PRSS3: variants seen among roughly 807,000 people sequenced by gnomAD.
PRSS3 encodes the protein trypsin-3.
In PRSS3, 14 loss-of-function variants were observed where a neutral mutation model predicts 20.8. The ratio of observed to expected loss-of-function variants is 0.67; its 90% CI spans 0.44 to 1.05. The LOEUF is 1.05. PRSS3 is among the 50% of genes least tolerant of loss of function. PRSS3 has a pLI of 0.00. For missense variants in PRSS3, 237 were observed against 306.4 expected, an observed-to-expected ratio of 0.77 and a Z score of 1.69; for synonymous variants, 91 against 117.6, an observed-to-expected ratio of 0.77 and a Z score of 1.46.
At chr9:33,769,899 C>G (rs947701646) in intron 1 of PRSS3, among the ~76,000 whole-genome samples, 1 of 152,242 alleles carries the variant, frequency 6.6e-6, no homozygotes, top group Non-Finnish European at 1.5e-5. Flanking sequence ...GGCGCGGTGG[C>G]TCACGCCTGT....
intron 1 of PRSS3, among the ~76,000 whole-genome samples, chr9:33,788,344 G>A (rs1587393165): frequency 6.6e-6 from 1 of 152,286 alleles, no homozygotes; most frequent in South Asian, 2.1e-4. Flanking sequence ...TCCTGGCTCT[G>A]TAATGGATGC....
chr9:33,769,755 G>A (rs1823600131), intron 1 of PRSS3, among the ~76,000 whole-genome samples: 1 of 152,202 alleles, frequency 6.6e-6, no homozygotes, highest in Non-Finnish European at 1.5e-5. Context: ...CCCCAGCCCA[G>A]GACCAAGGGG....
At position 33,758,637 on chromosome 9, in the gene PRSS3, A is replaced by G. The variant is rs577831672; in HGVS notation, c.-53+7910A>G. ...AAATTGATACTCCAGGATTATGTTC[A>G]TCTTGTGATTTCAGATATCATCTGG... is the stretch of plus-strand genomic sequence containing the variant. On this transcript the variant is annotated intron_variant, in intron 1 of 5. Transcript: ENST00000342836. Among the ~76,000 whole-genome samples, 18 of 152,328 alleles carry G rather than the reference A, an allele frequency of 1.2e-4. 1 individual carries two copies. The East Asian group carries it at 3.5e-3, about 29-fold the overall frequency.
chr9:33,755,309 C>T (rs1407488390), intron 1 of PRSS3, among the ~76,000 whole-genome samples: 2 of 152,074 alleles, frequency 1.3e-5, no homozygotes, highest in East Asian at 1.9e-4. Flanking sequence ...CCTTAGAAGT[C>T]GTTCATTGTA....
At chr9:33,755,952 A>G (rs1822924327) in intron 1 of PRSS3, among the ~76,000 whole-genome samples, 1 of 152,212 alleles carries the variant, frequency 6.6e-6, no homozygotes, top group Admixed American at 6.5e-5. Context: ...ACATACATAC[A>G]TACGCACTTT....
In PRSS3 at chr9:33,798,593, T is replaced by C; in HGVS notation, c.562T>C (p.Phe188Leu). Reference sequence around the variant, plus strand: ...TACCAACAGCATGTTCTGTGTGGGCTTCCTTGAGGGAGGCAAGGATTCCTG... The same window carrying C: ...TACCAACAGCATGTTCTGTGTGGGCCTCCTTGAGGGAGGCAAGGATTCCTG... ...KITNSMFCVGFLEGGKDSCQR... is the reference protein window; with the variant it reads ...KITNSMFCVGLLEGGKDSCQR... The change falls in exon 4 of 5, where the codon TTC becomes CTC. Residue 188 changes from phenylalanine (F) to leucine (L), a missense_variant. Transcript: ENST00000379405. 1 of 1,614,158 alleles carries C rather than the reference T, an allele frequency of 6.2e-7. No individual in the cohort carries two copies. Among genetic ancestry groups the C allele is most frequent in the African/African-American group, 1.3e-5 (1 of 75,060 alleles).
chr9:33,752,186 A>T (rs1352988796), intron 1 of PRSS3, among the ~76,000 whole-genome samples: 3 of 151,830 alleles, frequency 2.0e-5, no homozygotes, highest in African/African-American at 7.3e-5. Context: ...TTATTCCGTG[A>T]GTTCCTCCCG....
At chr9:33,767,799 T>C (rs1200279329) in intron 1 of PRSS3, among the ~76,000 whole-genome samples, 1 of 152,030 alleles carries the variant, frequency 6.6e-6, no homozygotes, top group African/African-American at 2.4e-5. Context: ...CACTCCAGCC[T>C]GGGCAACAAG....
At chr9:33,771,305 G>T (rs764704004) in intron 1 of PRSS3, among the ~76,000 whole-genome samples, 59 of 150,698 alleles carry the variant, frequency 3.9e-4, no homozygotes, top group Non-Finnish European at 7.7e-4. Flanking sequence ...AGAGTGAGGG[G>T]TTTCTTTTCC....
chr9:33,795,557 A>G (rs1824869464), upstream of PRSS3: 2 of 1,614,190 alleles, frequency 1.2e-6, no homozygotes, highest in Non-Finnish European at 1.7e-6. Flanking sequence ...ACCACCAGTC[A>G]GGCACACTCT....
chr9:33,793,547 G>A (rs1824738835), upstream of PRSS3: 6 of 433,150 alleles, frequency 1.4e-5, no homozygotes, highest in Non-Finnish European at 1.8e-5. Flanking sequence ...GGTGCCAGGA[G>A]AAAGATGAAT....
At chr9:33,773,561 T>C (rs1201922982) in intron 1 of PRSS3, among the ~76,000 whole-genome samples, 4 of 152,122 alleles carry the variant, frequency 2.6e-5, no homozygotes, top group Non-Finnish European at 5.9e-5. Flanking sequence ...TCCCATCATA[T>C]CTCATGTGAA....
intron 1 of PRSS3, among the ~76,000 whole-genome samples, chr9:33,776,372 G>A (rs1225033153): frequency 6.6e-6 from 1 of 152,120 alleles, no homozygotes; most frequent in African/African-American, 2.4e-5. Flanking sequence ...GAAAAATATT[G>A]AATTGCAGAT....
Position 33,798,624 on chromosome 9 carries a change from T to C in PRSS3, c.591+2T>C, listed in dbSNP as rs1226920659. 1.2e-6 allele frequency: 2 copies of C among 1,613,186 alleles called. No individual in the cohort carries two copies. Among genetic ancestry groups the C allele is most frequent in the Non-Finnish European group, 1.7e-6 (2 of 1,179,778 alleles). ...GAGGGAGGCAAGGATTCCTGCCAGG[T>C]GATTTGACCCTTTCCCATGCTGAGG... On this transcript the variant is annotated splice_donor_variant, in intron 4 of 4. Coordinates refer to ENST00000379405, the MANE Select transcript of PRSS3 (RefSeq NM_002771.4). LOFTEE classifies it high-confidence loss of function.
intron 3 of PRSS3, 107 bp from the exon 4 acceptor site, chr9:33,798,379 C>A (rs1286045164): frequency 4.4e-5 from 68 of 1,532,662 alleles, no homozygotes; most frequent in Non-Finnish European, 5.5e-5. Context: ...TTTTGGAGTC[C>A]TCTCCAGAGG....
At position 33,798,520 on chromosome 9, in the gene PRSS3, T is replaced by C; in HGVS notation, c.489T>C (p.Ala163=). The C allele has an allele frequency of 6.2e-7, 1 of 1,613,988 alleles. No individual in the cohort carries two copies. Among genetic ancestry groups the C allele is most frequent in the South Asian group, 1.1e-5 (1 of 91,056 alleles). The change falls in exon 4 of 5, where the codon GCT becomes GCC. Residue 163 remains alanine (A), a synonymous_variant. Transcript: ENST00000379405. ...CAGACGAGCTGAAGTGCCTGGATGC[T>C]CCGGTGCTGACCCAGGCTGAGTGTA... is the stretch of plus-strand genomic sequence containing the variant. ...DYPDELKCLD[A]PVLTQAECKA...
intron 1 of PRSS3, among the ~76,000 whole-genome samples, chr9:33,779,962 G>A (rs959246504): frequency 6.7e-6 from 1 of 150,078 alleles, no homozygotes; most frequent in African/African-American, 2.5e-5. Context: ...CCTGAAATAG[G>A]AGGAGAAAGA....
At chr9:33,777,597 A>T (rs1025383146) in intron 1 of PRSS3, among the ~76,000 whole-genome samples, 8 of 150,114 alleles carry the variant, frequency 5.3e-5, no homozygotes, top group African/African-American at 9.8e-5. Flanking sequence ...CAGCTACTCT[A>T]CTCGGGAGGC....
intron 1 of PRSS3, among the ~76,000 whole-genome samples, chr9:33,789,298 T>C (rs1824533252): frequency 6.6e-6 from 1 of 152,186 alleles, no homozygotes; most frequent in African/African-American, 2.4e-5. Flanking sequence ...TGTCAAGAAA[T>C]TGGGGCGCTA....
Sources: allele counts gnomAD v4.1 joint callset (sites outside exome capture counted in the v4.1 genomes callset), GRCh38; gene constraint gnomAD v4.1.1; transcripts MANE v1.5; gene names NCBI Gene and HGNC (gene_info 2026-07-23, HGNC 2026-07-21).